Variants in GLCCI1 observed in about 807,000 individuals in gnomAD.
GLCCI1 encodes the protein glucocorticoid induced 1, also known as glucocorticoid-induced transcript 1 protein.
In GLCCI1, 24 loss-of-function variants were observed where a neutral mutation model predicts 52.2. The ratio of observed to expected loss-of-function variants is 0.46; its 90% CI spans 0.33 to 0.65. The LOEUF (loss-of-function observed/expected upper bound fraction) is 0.65. Ranked by LOEUF, GLCCI1 falls within the 30% of genes least tolerant of loss-of-function variation. The pLI is 0.02. For synonymous variants in GLCCI1, 310 were observed against 276.5 expected (o/e 1.12, Z -1.20); for missense variants, 704 against 701.5 (o/e 1.00, Z -0.04).
chr7:8,085,229 G>A (rs1375706625), intron 7 of GLCCI1, among the ~76,000 whole-genome samples: 1 of 152,302 alleles, frequency 6.6e-6, no homozygotes, highest in South Asian at 2.1e-4. Context: ...ACAAAGACAC[G>A]TGGAAACTTA....
intron 3 of GLCCI1, among the ~76,000 whole-genome samples, chr7:8,041,912 G>T (rs1318689589): frequency 6.6e-6 from 1 of 152,088 alleles, no homozygotes; most frequent in Non-Finnish European, 1.5e-5. Flanking sequence ...ATTTAAGCCA[G>T]TGCTCATTTG....
At chr7:8,062,912 C>G (rs1178087834) in intron 5 of GLCCI1, among the ~76,000 whole-genome samples, 1 of 152,122 alleles carries the variant, frequency 6.6e-6, no homozygotes, top group Non-Finnish European at 1.5e-5. Flanking sequence ...TTATTGTAAA[C>G]AGTACTGTCA....
At chr7:8,046,342 A>T (rs929958996) in intron 3 of GLCCI1, among the ~76,000 whole-genome samples, 12 of 152,238 alleles carry the variant, frequency 7.9e-5, no homozygotes, top group African/African-American at 2.4e-4. Context: ...ACTGAAAGTT[A>T]ACCTGAAAGA....
At chr7:8,073,523 A>G (rs999650468) in intron 6 of GLCCI1, among the ~76,000 whole-genome samples, 3 of 152,094 alleles carry the variant, frequency 2.0e-5, no homozygotes, top group South Asian at 4.1e-4. Context: ...TTAATATGTA[A>G]AATGAGAACA....
At chr7:8,005,801 G>GT (rs1781137551) in intron 2 of GLCCI1, among the ~76,000 whole-genome samples, 1 of 150,422 alleles carries the variant, frequency 6.6e-6, no homozygotes, top group Non-Finnish European at 1.5e-5. Flanking sequence ...TTGTTTGTTT[G>GT]TTTTGTTTTT....
At chr7:8,012,429 A>ATTTT (rs1781282584) in intron 2 of GLCCI1, among the ~76,000 whole-genome samples, 2 of 58,846 alleles carry the variant, frequency 3.4e-5, no homozygotes, top group Admixed American at 2.2e-4. Flanking sequence ...TTGCCTTTTT[A>ATTTT]TTCTTTTTTT....
At chr7:8,001,653 C>T (rs1317161750) in intron 1 of GLCCI1, among the ~76,000 whole-genome samples, 3 of 152,204 alleles carry the variant, frequency 2.0e-5, no homozygotes, top group Non-Finnish European at 2.9e-5. Context: ...CACATGCACA[C>T]GTATGTTTAT....
At position 7,972,274 on chromosome 7, in the gene GLCCI1, A is replaced by G. The variant is rs74577698; in HGVS notation, c.457+2467A>G. ...TGAATGAAAAACAACAACGTGCTCC[A>G]TTTCTTCCTCTGCTCTCCACCTCCT... On this transcript the variant is annotated intron_variant, in intron 1 of 7. Coordinates refer to ENST00000223145, the MANE Select transcript of GLCCI1 (RefSeq NM_138426.4). Among the ~76,000 whole-genome samples, 982 of 151,744 alleles carry G rather than the reference A, an allele frequency of 6.5e-3. 26 individuals carry two copies. The East Asian group carries it at 0.084, about 13-fold the overall frequency.
chr7:7,979,464 T>G (rs1348140991), intron 1 of GLCCI1, among the ~76,000 whole-genome samples: 1 of 151,630 alleles, frequency 6.6e-6, no homozygotes, highest in Admixed American at 6.6e-5. Flanking sequence ...TCTGGTGTTC[T>G]GTTTTGAAGT....
chr7:8,056,488 T>C (rs1040461663), intron 4 of GLCCI1, among the ~76,000 whole-genome samples: 11 of 152,234 alleles, frequency 7.2e-5, no homozygotes, highest in Admixed American at 2.6e-4. Context: ...ATTTTACATA[T>C]GAAGAAATTG....
chr7:7,977,491 G>A (rs1275122768), intron 1 of GLCCI1, among the ~76,000 whole-genome samples: 5 of 152,148 alleles, frequency 3.3e-5, no homozygotes, highest in Non-Finnish European at 7.4e-5. Flanking sequence ...TTTCCAAATG[G>A]TTCCATAGAC....
chr7:7,982,607 C>T (rs1361521889), intron 1 of GLCCI1, among the ~76,000 whole-genome samples: 4 of 152,182 alleles, frequency 2.6e-5, no homozygotes, highest in Middle Eastern at 3.4e-3. Flanking sequence ...AGAATATTGC[C>T]TATACTTTAG....
intron 3 of GLCCI1, among the ~76,000 whole-genome samples, chr7:8,035,857 A>T (rs933249239): frequency 6.6e-6 from 1 of 152,158 alleles, no homozygotes; most frequent in African/African-American, 2.4e-5. Context: ...GTCACATTCT[A>T]CCAGGAGCTC....
At chr7:8,031,284 A>G (rs1457279033) in intron 3 of GLCCI1, among the ~76,000 whole-genome samples, 1 of 152,174 alleles carries the variant, frequency 6.6e-6, no homozygotes, top group African/African-American at 2.4e-5. Flanking sequence ...AAGTGAAATA[A>G]GCCAGGCACA....
At chr7:8,010,414 G>A (rs1180499029) in intron 2 of GLCCI1, among the ~76,000 whole-genome samples, 3 of 151,994 alleles carry the variant, frequency 2.0e-5, no homozygotes, top group Non-Finnish European at 4.4e-5. Flanking sequence ...CCTAAACATC[G>A]AATTTCCACT....
In GLCCI1 at chr7:8,087,021, G is replaced by T. The variant is rs1413300919; in HGVS notation, c.*483G>T. On this transcript the variant is annotated 3_prime_UTR_variant, in exon 8 of 8. Coordinates refer to ENST00000223145, the MANE Select transcript of GLCCI1 (RefSeq NM_138426.4). ...AAAATGGCCACAACAGTTGCACAGT[G>T]CCCACCCTATGGCCTAGCTTCAGGT... 6.6e-6 allele frequency: 1 copy of T among 152,390 alleles called. No individual in the cohort carries two copies. Among genetic ancestry groups the T allele is most frequent in the Non-Finnish European group, 1.4e-5 (1 of 68,970 alleles). 9.4% of individuals were successfully genotyped at this position (152,390 alleles called of 1,614,324 possible).
At position 8,004,552 on chromosome 7, in the gene GLCCI1, G is replaced by A. The variant is rs189250333; in HGVS notation, c.609+493G>A. On this transcript the variant is annotated intron_variant, in intron 2 of 7. Coordinates refer to ENST00000223145, the MANE Select transcript of GLCCI1 (RefSeq NM_138426.4). ...TTTTTGGAAGGATCTCCAAGCTTTT[G>A]ATTTGAAAAGCTTTTCCTCCACATC... Among the ~76,000 whole-genome samples the A allele has an allele frequency of 8.1e-3, 1,228 of 152,128 alleles. 10 individuals are homozygous for A. Among genetic ancestry groups the A allele is most frequent in the Middle Eastern group, 0.017 (5 of 294 alleles).
intron 2 of GLCCI1, among the ~76,000 whole-genome samples, chr7:8,014,458 G>A (rs183203397): frequency 4.6e-5 from 7 of 152,292 alleles, no homozygotes; most frequent in Admixed American, 3.9e-4. Flanking sequence ...AATAATTTAT[G>A]TGGAAAATGC....
rs28550994 is a variant in GLCCI1, at chr7:8,060,606, T to A, written c.966+358T>A. Among the ~76,000 whole-genome samples, 465 of 152,108 alleles carry A rather than the reference T, an allele frequency of 3.1e-3. 1 individual carries two copies. The highest frequency in any genetic ancestry group is 5.6e-3 in the Non-Finnish European group (379 of 67,988). ...ACAACGTGGCCTTCTTAACTGGATT[T>A]TTTTTAACTTAGCATAGTGTTTTTA... On this transcript the variant is annotated intron_variant, in intron 5 of 7. Coordinates refer to ENST00000223145, the MANE Select transcript of GLCCI1 (RefSeq NM_138426.4).
Sources: gnomAD v4.1 joint callset for allele counts (sites outside exome capture counted in the v4.1 genomes callset) on GRCh38, gnomAD v4.1.1 for gene constraint, MANE v1.5 for transcripts, NCBI Gene and HGNC (gene_info 2026-07-23, HGNC 2026-07-21) for gene names.